NBEAL1: variants seen among roughly 807,000 people sequenced by gnomAD.
The protein encoded by NBEAL1 is neurobeachin like 1.
In NBEAL1, 273 loss-of-function variants were observed where a neutral mutation model predicts 351.3. The ratio of observed to expected loss-of-function variants is 0.78; its 90% CI spans 0.70 to 0.86. NBEAL1 has a LOEUF of 0.86. Among genes scored for constraint, NBEAL1 ranks in the 40% least tolerant of loss-of-function variants. The pLI, the probability that NBEAL1 is intolerant of heterozygous loss-of-function variation, is 0.00. For missense variants in NBEAL1, 2,961 were observed against 3,201.3 expected (o/e 0.92, Z 1.81); for synonymous variants, 1,050 against 1,086.4 (o/e 0.97, Z 0.66).
At chr2:203,170,462 C>CA (rs1377279360) in intron 39 of NBEAL1, among the ~76,000 whole-genome samples, 1 of 151,824 alleles carries the variant, frequency 6.6e-6, no homozygotes, top group Admixed American at 6.6e-5. Context: ...TGGAAAGGGC[C>CA]AAAAAATGCC....
chr2:203,126,895 T>C lies in NBEAL1; in HGVS notation c.3217T>C (p.Phe1073Leu). The C allele has an allele frequency of 6.4e-7, 1 of 1,552,272 alleles. No homozygotes were observed. Among genetic ancestry groups the C allele is most frequent in the Non-Finnish European group, 8.7e-7 (1 of 1,146,712 alleles). Residue 1073 changes from phenylalanine (F) to leucine (L), a missense_variant, in exon 23 of 56, where the codon TTT becomes CTT. Physicochemically the swap from Phe to Leu is conservative, Grantham distance 22 (BLOSUM62 0). Transcript: ENST00000683969. ...RVFRKKYGVQ[F>L]LLDTLRIYYG... Reference sequence around the variant, plus strand: ...TTTCCGAAAGAAGTATGGTGTGCAGTTTCTCCTAGATACACTTAGGATTTA... The same window carrying C: ...TTTCCGAAAGAAGTATGGTGTGCAGCTTCTCCTAGATACACTTAGGATTTA...
chr2:203,046,828 A>T (rs2061235344), intron 3 of NBEAL1, among the ~76,000 whole-genome samples: 1 of 152,216 alleles, frequency 6.6e-6, no homozygotes, highest in South Asian at 2.1e-4. Context: ...TTGGGGGAAT[A>T]CCAGCATTCA....
At chr2:203,125,318 T>G in intron 19 of NBEAL1, 34 bp from the exon 20 acceptor site, 2 of 1,382,090 alleles carry the variant, frequency 1.4e-6, no homozygotes, top group South Asian at 3.4e-5. Context: ...TGTCCTCCTT[T>G]TATAAGATTT....
At chr2:203,029,011 A>T (rs1006942001) in intron 2 of NBEAL1, among the ~76,000 whole-genome samples, 7 of 152,124 alleles carry the variant, frequency 4.6e-5, no homozygotes, top group African/African-American at 1.7e-4. Flanking sequence ...TTTGAGTCAG[A>T]GTCTTGCTCT....
At chr2:203,180,288 C>A in intron 42 of NBEAL1, 94 bp from the exon 43 acceptor site, 2 of 1,111,554 alleles carry the variant, frequency 1.8e-6, no homozygotes, top group Non-Finnish European at 2.6e-6. Flanking sequence ...TACCTCTAAT[C>A]ATTAGGAACC....
At chr2:203,038,959 C>T (rs2061083289) in intron 2 of NBEAL1, among the ~76,000 whole-genome samples, 1 of 149,008 alleles carries the variant, frequency 6.7e-6, no homozygotes, top group Non-Finnish European at 1.5e-5. Flanking sequence ...GGGTTACAGT[C>T]GTGAGCCACT....
At chr2:203,204,336 T>C (rs1355022946) in intron 51 of NBEAL1, among the ~76,000 whole-genome samples, 1 of 148,904 alleles carries the variant, frequency 6.7e-6, no homozygotes, top group Non-Finnish European at 1.5e-5. Flanking sequence ...TTTTTTTTTT[T>C]TTTTTTGAGG....
intron 27 of NBEAL1, 42 bp from the exon 28 acceptor site, chr2:203,135,635 A>G (rs1030077114): frequency 1.4e-5 from 17 of 1,188,022 alleles, no homozygotes; most frequent in East Asian, 2.6e-5. Flanking sequence ...ATAAAGTACT[A>G]TGTACTTTTT....
chr2:203,097,865 G>A lies in NBEAL1; in HGVS notation c.1185+232G>A, dbSNP rs562269235. 2.0e-5 allele frequency among the ~76,000 whole-genome samples: 3 copies of A among 152,146 alleles called. No individual in the cohort carries two copies. The East Asian group carries it at 5.8e-4, about 29-fold the overall frequency. Reference sequence around the variant, plus strand: ...GTACCATTCCATTCCCTCTACGTGTGTATGGTCTTTTCAATTTGAGGAGAT... The same window carrying A: ...GTACCATTCCATTCCCTCTACGTGTATATGGTCTTTTCAATTTGAGGAGAT... On this transcript the variant is annotated intron_variant, in intron 11 of 55. Coordinates refer to ENST00000683969, the MANE Select transcript of NBEAL1 (RefSeq NM_001378026.1).
intron 45 of NBEAL1, among the ~76,000 whole-genome samples, chr2:203,188,908 A>C (rs2064990515): frequency 6.6e-6 from 1 of 152,230 alleles, no homozygotes; most frequent in Non-Finnish European, 1.5e-5. Flanking sequence ...TGAAGTTACA[A>C]ATAACAGATT....
intron 6 of NBEAL1, among the ~76,000 whole-genome samples, chr2:203,067,865 G>C (rs923322351): frequency 1.3e-5 from 2 of 152,150 alleles, no homozygotes; most frequent in Non-Finnish European, 2.9e-5. Flanking sequence ...CTTTACCAAA[G>C]CCTGTAGAAA....
chr2:203,141,629 C>A (rs1559399674), intron 31 of NBEAL1, among the ~76,000 whole-genome samples: 6 of 151,502 alleles, frequency 4.0e-5, no homozygotes, highest in Admixed American at 3.9e-4. Context: ...GTGATCCGCC[C>A]ACCTCATCCT....
chr2:203,213,706 G>T (rs2065850329), intron 55 of NBEAL1, 53 bp downstream of exon 55: 2 of 1,605,822 alleles, frequency 1.2e-6, no homozygotes, highest in Non-Finnish European at 1.7e-6. Context: ...GATTACTTTG[G>T]TTCTCCTTCA....
rs201932109 is a variant in NBEAL1, at chr2:203,138,785, A to G, written c.4848+37A>G. ...CTTTTATATTATTTTCTGTGCTTGC[A>G]TGCAGCATAGGTATTATTTATGTAA... On this transcript the variant is annotated intron_variant, in intron 31 of 55. Transcript: ENST00000683969. 1,216 of 1,583,472 alleles carry G rather than the reference A, an allele frequency of 7.7e-4. 1 individual carries two copies. The highest frequency in any genetic ancestry group is 9.6e-4 in the Non-Finnish European group (1,127 of 1,168,186).
intron 35 of NBEAL1, among the ~76,000 whole-genome samples, chr2:203,156,158 A>T (rs973801284): frequency 1.3e-5 from 2 of 152,236 alleles, no homozygotes; most frequent in Non-Finnish European, 2.9e-5. Flanking sequence ...TGCTGAAATT[A>T]AAATCCACAT....
intron 3 of NBEAL1, among the ~76,000 whole-genome samples, chr2:203,042,754 ATTT>A (rs2061163993): frequency 6.6e-6 from 1 of 151,908 alleles, no homozygotes; most frequent in South Asian, 2.1e-4. Context: ...TGCTTGGCTA[ATTT>A]TTGTATTTTT....
chr2:203,185,524 A>G (rs1381624706), intron 44 of NBEAL1, among the ~76,000 whole-genome samples: 1 of 152,166 alleles, frequency 6.6e-6, no homozygotes, highest in Non-Finnish European at 1.5e-5. Flanking sequence ...ACTTAAAAGT[A>G]TAACAATAAA....
At position 203,086,891 on chromosome 2, in the gene NBEAL1, A is replaced by G. The variant is rs571125939; in HGVS notation, c.1098+2322A>G. 2.0e-5 allele frequency among the ~76,000 whole-genome samples: 3 copies of G among 152,058 alleles called. No homozygotes were observed. In the East Asian group the frequency reaches 5.8e-4, roughly 30 times the overall value. ...GGCACCATTATCGACCCAGTTTCTC[A>G]AAGGAGGAACTTGGAAATCAATCTC... is the stretch of plus-strand genomic sequence containing the variant. On this transcript the variant is annotated intron_variant, in intron 10 of 55. Transcript: ENST00000683969.
rs57126638 is a variant in NBEAL1 at position 203,119,424 on chromosome 2, C to CTTTTTTTTT, written c.2593-2818_2593-2810dup. Among the ~76,000 whole-genome samples the CTTTTTTTTT allele has an allele frequency of 2.8e-3, 188 of 66,658 alleles. 23 individuals carry two copies. The highest frequency in any genetic ancestry group is 3.3e-3 in the Non-Finnish European group (124 of 38,046). The allele number at this position is 66,658 out of a possible 152,430, so 43.7% of individuals were successfully genotyped here. On this transcript the variant is annotated intron_variant, in intron 18 of 55. Coordinates refer to ENST00000683969, the MANE Select transcript of NBEAL1 (RefSeq NM_001378026.1). ...GTGAGCCACTGCATACGGCCTGTTGCTTTTTTTTTTTTTTTTTTTTGAGAC... is the reference window on the plus strand; with the variant it reads ...GTGAGCCACTGCATACGGCCTGTTGCTTTTTTTTTTTTTTTTTTTTTTTTTTTTTGAGAC...
Sources: allele counts gnomAD v4.1 joint callset (sites outside exome capture counted in the v4.1 genomes callset), GRCh38; gene constraint gnomAD v4.1.1; transcripts MANE v1.5; gene names NCBI Gene and HGNC (gene_info 2026-07-23, HGNC 2026-07-21).